Variants in C3orf85 observed in about 807,000 individuals in gnomAD.
C3orf85 encodes the protein uncharacterized protein C3orf85.
In C3orf85, 1 loss-of-function variant was observed where a neutral mutation model predicts 1.7. The ratio of observed to expected loss-of-function variants is 0.60; its 90% CI spans 0.21 to 2.86. The LOEUF is 2.86. Ranked by LOEUF, C3orf85 falls within the 30% of genes most tolerant of loss-of-function variation. The pLI is 0.22. For missense variants in C3orf85, 29 were observed against 21.3 expected, an observed-to-expected ratio of 1.36 and a Z score of -0.72; for synonymous variants, 17 against 8.0, an observed-to-expected ratio of 2.13 and a Z score of -1.90.
At chr3:109,143,912 A>T (rs1486119368) in intron 2 of C3orf85, among the ~76,000 whole-genome samples, 1 of 152,182 alleles carries the variant, frequency 6.6e-6, no homozygotes, top group Non-Finnish European at 1.5e-5. Context: ...CCTTGTTTCT[A>T]CTTTACAGAA....
At chr3:109,136,960 T>C (rs1053966038) in intron 2 of C3orf85, 64 bp downstream of exon 2, 3 of 402,334 alleles carry the variant, frequency 7.5e-6, no homozygotes, top group Non-Finnish European at 1.3e-5. Context: ...TAATTCCTTT[T>C]GTCTTCTTAA....
rs937527101 is a variant in C3orf85 at position 109,150,579 on chromosome 3, T to C, written c.*685T>C. The C allele has an allele frequency of 2.0e-5, 3 of 152,192 alleles. No individual in the cohort carries two copies. The highest frequency in any genetic ancestry group is 4.4e-5 in the Non-Finnish European group (3 of 68,034). The allele number at this position is 152,192 out of a possible 1,614,324, so 9.4% of individuals were successfully genotyped here. A position where few individuals can be genotyped will look rare whatever the true frequency, so the allele number is the denominator to read the frequency against. On this transcript the variant is annotated 3_prime_UTR_variant, in exon 4 of 4. Transcript: ENST00000622536. ...ATGTGAAATAACAGTTTTGACTCAC[T>C]GGCCAGGCACATTTTATAATTTTTT...
rs1033982759 is a variant in C3orf85 at position 109,151,171 on chromosome 3, T to G, written c.*1277T>G. ...AACAAAACAAAGATGATGAATCATT[T>G]AGTTTTGCAGTGGGAAATAAGTTTG... On this transcript the variant is annotated 3_prime_UTR_variant, in exon 4 of 4. Coordinates refer to ENST00000622536, the MANE Select transcript of C3orf85 (RefSeq NM_001351622.2). Among the ~76,000 whole-genome samples, 3 of 152,224 alleles carry G rather than the reference T, an allele frequency of 2.0e-5. No individual in the cohort carries two copies. Among genetic ancestry groups the G allele is most frequent in the African/African-American group, 7.2e-5 (3 of 41,462 alleles).
chr3:109,149,754 G>C, intron 3 of C3orf85, 51 bp from the exon 4 acceptor site: 2 of 397,954 alleles, frequency 5.0e-6, no homozygotes, highest in East Asian at 7.1e-5. Context: ...ACTGATGCAA[G>C]ATGTGTTCTA....
intron 3 of C3orf85, chr3:109,149,289 G>T (rs1706838737): frequency 6.6e-6 from 1 of 152,102 alleles, no homozygotes; most frequent in Non-Finnish European, 1.5e-5. Context: ...CCTTGATCTT[G>T]TCCGTACTCC....
chr3:109,141,221 A>T lies in C3orf85; in HGVS notation c.49+4325A>T, dbSNP rs1446898309. The stretch of plus-strand genomic sequence containing the variant: ...ATTCTGGTCTCAAACTCTTGACCTC[A>T]GGTGATCCACCCACCTTGGCTTCCC... On this transcript the variant is annotated intron_variant, in intron 2 of 3. Coordinates refer to ENST00000622536, the MANE Select transcript of C3orf85 (RefSeq NM_001351622.2). Among the ~76,000 whole-genome samples, 4 of 152,124 alleles carry T rather than the reference A, an allele frequency of 2.6e-5. No individual in the cohort carries two copies. The East Asian group carries it at 7.7e-4, about 29-fold the overall frequency.
At chr3:109,138,099 A>G (rs1706701119) in intron 2 of C3orf85, among the ~76,000 whole-genome samples, 1 of 152,228 alleles carries the variant, frequency 6.6e-6, no homozygotes, top group Non-Finnish European at 1.5e-5. Context: ...CAAAATTTTT[A>G]AAGAGGCTTC....
At chr3:109,142,396 T>C (rs1706750974) in intron 2 of C3orf85, among the ~76,000 whole-genome samples, 1 of 152,324 alleles carries the variant, frequency 6.6e-6, no homozygotes, top group Admixed American at 6.5e-5. Flanking sequence ...CTAAGTGCTT[T>C]ACTTTCACCA....
intron 2 of C3orf85, among the ~76,000 whole-genome samples, chr3:109,144,521 G>T (rs1706774513): frequency 6.6e-6 from 1 of 152,138 alleles, no homozygotes; most frequent in Non-Finnish European, 1.5e-5. Flanking sequence ...GTCCTAGGGA[G>T]GAGAAGGAGA....
intron 2 of C3orf85, among the ~76,000 whole-genome samples, chr3:109,137,608 T>G (rs1452429328): frequency 7.3e-6 from 1 of 136,466 alleles, no homozygotes; most frequent in Non-Finnish European, 1.6e-5. Flanking sequence ...CACAGCTAGA[T>G]AGATGTATAT....
At chr3:109,146,642 G>A (rs947004944) in intron 2 of C3orf85, among the ~76,000 whole-genome samples, 1 of 152,130 alleles carries the variant, frequency 6.6e-6, no homozygotes, top group Non-Finnish European at 1.5e-5. Context: ...TTCTCCCTCA[G>A]GGCTGCTTGA....
intron 3 of C3orf85, chr3:109,149,405 A>ATAGGCG (rs1377918456): frequency 7.8e-6 from 1 of 127,402 alleles, no homozygotes; most frequent in African/African-American, 4.3e-5. Context: ...TTTTTGTCCA[A>ATAGGCG]TAGGCATTAT....
Position 109,148,300 on chromosome 3 carries a change from C to G in C3orf85, c.97C>G (p.Leu33Val), listed in dbSNP as rs1158711813. The G allele has an allele frequency of 1.4e-6, 1 of 702,690 alleles. No homozygotes were observed. Among genetic ancestry groups the G allele is most frequent in the East Asian group, 2.7e-5 (1 of 37,284 alleles). 43.5% of individuals were successfully genotyped at this position (702,690 alleles called of 1,614,324 possible). Residue 33 changes from leucine (L) to valine (V), a missense_variant, in exon 3 of 4, where the codon CTA becomes GTA. Physicochemically the swap from Leu to Val is conservative, Grantham distance 32. Coordinates refer to ENST00000622536, the MANE Select transcript of C3orf85 (RefSeq NM_001351622.2). ...GTTGGAAGACCCTGCAAACCAGTTC[C>G]TACGTCTCAAAAGACATGTAAATTT... ...FLLEDPANQF[L>V]RLKRHVNLQD...
chr3:109,142,698 G>A (rs569483116), intron 2 of C3orf85, among the ~76,000 whole-genome samples: 3 of 150,352 alleles, frequency 2.0e-5, no homozygotes, highest in Admixed American at 6.6e-5. Flanking sequence ...CCTGGCATGT[G>A]CTCTGTTTTT....
intron 2 of C3orf85, among the ~76,000 whole-genome samples, chr3:109,144,605 A>G (rs1054397458): frequency 3.9e-5 from 6 of 152,218 alleles, no homozygotes; most frequent in Admixed American, 6.5e-5. Context: ...AGAGCATAAA[A>G]TAGCTATTGT....
In C3orf85 at chr3:109,136,840, A is replaced by G. The variant is rs1576771455; in HGVS notation, c.-4-4A>G. 2.4e-6 allele frequency: 1 copy of G among 416,984 alleles called. No individual in the cohort carries two copies. The highest frequency in any genetic ancestry group is 4.3e-6 in the Non-Finnish European group (1 of 233,660). The allele number at this position is 416,984 out of a possible 1,614,324, so 25.8% of individuals were successfully genotyped here. ...AAATAAATCTTTTTTTTTTCCCAAA[A>G]TAGGATCATGGCCTATAAAATGCTT... On this transcript the variant is annotated splice_region_variant and splice_polypyrimidine_tract_variant and intron_variant, in intron 1 of 3. Coordinates refer to ENST00000622536, the MANE Select transcript of C3orf85 (RefSeq NM_001351622.2).
At chr3:109,144,312 C>T (rs1365389343) in intron 2 of C3orf85, among the ~76,000 whole-genome samples, 1 of 152,142 alleles carries the variant, frequency 6.6e-6, no homozygotes, top group African/African-American at 2.4e-5. Flanking sequence ...ATATTACTTG[C>T]ATTTTTATTT....
chr3:109,138,875 T>C (rs1706708440), intron 2 of C3orf85, among the ~76,000 whole-genome samples: 1 of 152,194 alleles, frequency 6.6e-6, no homozygotes, highest in Admixed American at 6.5e-5. Context: ...GTCTTGAACA[T>C]TTAGGTCAAG....
chr3:109,142,472 A>AG (rs1706751688), intron 2 of C3orf85, among the ~76,000 whole-genome samples: 1 of 152,188 alleles, frequency 6.6e-6, no homozygotes, highest in Admixed American at 6.5e-5. Flanking sequence ...CTCTAGTAGC[A>AG]GGTATCAGGT....
Sources: gnomAD v4.1 joint callset for allele counts (sites outside exome capture counted in the v4.1 genomes callset) on GRCh38, gnomAD v4.1.1 for gene constraint, MANE v1.5 for transcripts, NCBI Gene and HGNC (gene_info 2026-07-23, HGNC 2026-07-21) for gene names.